The following AGO4 variants were observed in gnomAD, a reference collection of about 807,000 sequenced individuals.
The protein encoded by AGO4 is protein argonaute-4.
A neutral mutation model predicts 104.7 loss-of-function variants in AGO4; 33 were observed. The ratio of observed to expected loss-of-function variants is 0.32; its 90% CI spans 0.24 to 0.42. The LOEUF is 0.42. Among genes scored for constraint, AGO4 ranks in the 10% least tolerant of loss-of-function variants. AGO4 has a pLI of 1.00. For missense variants in AGO4, 711 were observed against 1,083.4 expected, an observed-to-expected ratio of 0.66 and a Z score of 4.83; for synonymous variants, 331 against 364.7, an observed-to-expected ratio of 0.91 and a Z score of 1.05.
At chr1:35,824,909 G>A (rs760307371) in intron 3 of AGO4, among the ~76,000 whole-genome samples, 7 of 152,114 alleles carry the variant, frequency 4.6e-5, no homozygotes, top group South Asian at 2.1e-4. Context: ...CATTCCAAAC[G>A]AAAACTCTGT....
intron 15 of AGO4, among the ~76,000 whole-genome samples, chr1:35,842,846 G>C (rs148265586): frequency 1.4e-4 from 22 of 152,150 alleles, no homozygotes; most frequent in African/African-American, 3.9e-4. Context: ...TAATCCCCAG[G>C]CATTTCAGGT....
In AGO4 at chr1:35,857,853, T is replaced by C. The variant is rs1644846726; in HGVS notation, c.*4248T>C. On this transcript the variant is annotated 3_prime_UTR_variant, in exon 18 of 18. Coordinates refer to ENST00000373210, the MANE Select transcript of AGO4 (RefSeq NM_017629.4). ...TGCTATTTGGTATACAATTATTATGTGTCAATTAAAACTAAAATAAAACTT... is the reference window on the plus strand; with the variant it reads ...TGCTATTTGGTATACAATTATTATGCGTCAATTAAAACTAAAATAAAACTT... 1 of 152,238 alleles carries C rather than the reference T, an allele frequency of 6.6e-6. No homozygotes were observed. Among genetic ancestry groups the C allele is most frequent in the African/African-American group, 2.4e-5 (1 of 41,462 alleles). The allele number at this position is 152,238 out of a possible 1,614,324, so 9.4% of individuals were successfully genotyped here.
chr1:35,816,987 T>C lies in AGO4; in HGVS notation c.125T>C (p.Ile42Thr), dbSNP rs1351882447. 6 of 1,613,960 alleles carry C rather than the reference T, an allele frequency of 3.7e-6. No homozygotes were observed. The highest frequency in any genetic ancestry group is 3.3e-5 in the Admixed American group (2 of 59,976). Reference protein sequence around the residue: ...ANHFQVQIPKIDVYHYDVDIK... With the variant: ...ANHFQVQIPKTDVYHYDVDIK... ...CATTTTCAGGTTCAGATTCCTAAAA[T>C]AGATGTGTATCACTATGATGTGGAT... is the stretch of plus-strand genomic sequence containing the variant. Residue 42 changes from isoleucine (I) to threonine (T), a missense_variant, in exon 2 of 18, where the codon ATA becomes ACA. Physicochemically the swap from Ile to Thr is moderately conservative, Grantham distance 89. Transcript: ENST00000373210.
In AGO4 at chr1:35,825,229, C is replaced by T. The variant is rs1571272674; in HGVS notation, c.307-84C>T. The T allele has an allele frequency of 2.2e-6, 3 of 1,367,576 alleles. No individual in the cohort carries two copies. In the South Asian group the frequency reaches 4.1e-5, roughly 19 times the overall value. The allele number at this position is 1,367,576 out of a possible 1,614,324, so 84.7% of individuals were successfully genotyped here. On this transcript the variant is annotated intron_variant, in intron 3 of 17. Transcript: ENST00000373210. ...AAAAGTTAAAAGAAATATCCTTATG[C>T]ATGTATCATACTGCATATTCTTGGG...
rs1463987775 is a variant in AGO4 at position 35,826,954 on chromosome 1, C to G, written c.848+119C>G. On this transcript the variant is annotated intron_variant, in intron 7 of 17. Transcript: ENST00000373210. ...CAGTGGCTCACACCTGTAATCCCAG[C>G]ACTTTGAGAGGCCGAGGTAGGTGGA... 3 of 1,034,242 alleles carry G rather than the reference C, an allele frequency of 2.9e-6. No homozygotes were observed. In the African/African-American group the frequency reaches 4.9e-5, roughly 17 times the overall value. The allele number at this position is 1,034,242 out of a possible 1,614,324, so 64.1% of individuals were successfully genotyped here. A position where few individuals can be genotyped will look rare whatever the true frequency, so the allele number is the denominator to read the frequency against.
chr1:35,848,158 A>G (rs892723057), intron 15 of AGO4, among the ~76,000 whole-genome samples: 7 of 152,338 alleles, frequency 4.6e-5, no homozygotes, highest in Middle Eastern at 6.8e-3. Flanking sequence ...TTTCCAGCAC[A>G]TCATATAAAT....
chr1:35,808,124 T>G lies in AGO4; in HGVS notation c.-293T>G, dbSNP rs1450942120. On this transcript the variant is annotated 5_prime_UTR_variant, in exon 1 of 18. Coordinates refer to ENST00000373210, the MANE Select transcript of AGO4 (RefSeq NM_017629.4). This position sits in a 1 kb window ranked among gnomAD's most constrained non-coding sequence, Gnocchi z 5.2. ...CTGGGTCCGCGCACCCCGCGCCCCCTTCCCTCCCGGCGGGCGCGCGCGCTG... is the reference window on the plus strand; with the variant it reads ...CTGGGTCCGCGCACCCCGCGCCCCCGTCCCTCCCGGCGGGCGCGCGCGCTG... 2 of 152,018 alleles carry G rather than the reference T, an allele frequency of 1.3e-5. No individual in the cohort carries two copies. Among genetic ancestry groups the G allele is most frequent in the East Asian group, 1.9e-4 (1 of 5,282 alleles). The allele number at this position is 152,018 out of a possible 1,614,324, so 9.4% of individuals were successfully genotyped here.
chr1:35,817,523 A>G (rs181654818), intron 2 of AGO4, among the ~76,000 whole-genome samples: 6 of 152,286 alleles, frequency 3.9e-5, no homozygotes, highest in Admixed American at 1.3e-4. Context: ...GAGAAGCTCT[A>G]GTTATTTCTA....
At chr1:35,850,718 T>A (rs998026322) in intron 16 of AGO4, 136 bp from the exon 17 acceptor site, 1 of 726,218 alleles carries the variant, frequency 1.4e-6, no homozygotes, top group Non-Finnish European at 2.2e-6. Context: ...GAGGCGGGGG[T>A]TTCTGTGAAC....
chr1:35,856,910 TTGAATCC>T lies in AGO4; in HGVS notation c.*3311_*3317del, dbSNP rs1644830580. 1 of 152,000 alleles carries T rather than the reference TTGAATCC, an allele frequency of 6.6e-6. No individual in the cohort carries two copies. The highest frequency in any genetic ancestry group is 2.4e-5 in the African/African-American group (1 of 41,330). 9.4% of individuals were successfully genotyped at this position (152,000 alleles called of 1,614,324 possible). A position where few individuals can be genotyped will look rare whatever the true frequency, so the allele number is the denominator to read the frequency against. Reference sequence around the variant, plus strand: ...GTTTTGGTGGTGGTGTTCTTAGCTGTTGAATCCTGAATGGTTTATAAAGTGAACTAGC... The same window carrying T: ...GTTTTGGTGGTGGTGTTCTTAGCTGTTGAATGGTTTATAAAGTGAACTAGC... On this transcript the variant is annotated 3_prime_UTR_variant, in exon 18 of 18. Transcript: ENST00000373210.
intron 7 of AGO4, among the ~76,000 whole-genome samples, chr1:35,827,790 C>CTTTTTTTTTTTT (rs142432459): frequency 8.7e-5 from 9 of 103,850 alleles, no homozygotes; most frequent in African/African-American, 2.5e-4. Flanking sequence ...TGTTGTTATT[C>CTTTTTTTTTTTT]TTTTTTTTTT....
At chr1:35,846,656 C>T (rs191018233) in intron 15 of AGO4, among the ~76,000 whole-genome samples, 3 of 150,716 alleles carry the variant, frequency 2.0e-5, no homozygotes, top group African/African-American at 7.3e-5. Flanking sequence ...AAGTTTGTTC[C>T]CCAGTTTGGT....
At chr1:35,822,630 T>C (rs574873505) in intron 2 of AGO4, among the ~76,000 whole-genome samples, 5 of 152,334 alleles carry the variant, frequency 3.3e-5, no homozygotes, top group African/African-American at 1.2e-4. Context: ...CCATAAATGT[T>C]ATTCTCTCTT....
intron 1 of AGO4, among the ~76,000 whole-genome samples, chr1:35,809,310 G>T (rs546170271): frequency 6.6e-6 from 1 of 152,310 alleles, no homozygotes; most frequent in Non-Finnish European, 1.5e-5. Context: ...AGCCCAACAG[G>T]TTTCTAATGC....
chr1:35,849,039 A>T (rs1205702544), intron 15 of AGO4, among the ~76,000 whole-genome samples: 1 of 152,246 alleles, frequency 6.6e-6, no homozygotes, highest in Admixed American at 6.5e-5. Flanking sequence ...TTGTGCCTGT[A>T]TGCTAAAGAA....
intron 13 of AGO4, among the ~76,000 whole-genome samples, chr1:35,840,368 G>A (rs1027934697): frequency 1.3e-5 from 2 of 152,078 alleles, no homozygotes; most frequent in Non-Finnish European, 2.9e-5. Context: ...CACCATGTTG[G>A]CCAGTCTGGT....
intron 6 of AGO4, 152 bp downstream of exon 6, chr1:35,826,212 T>TA (rs1290942203): frequency 6.7e-6 from 6 of 891,290 alleles, no homozygotes; most frequent in Non-Finnish European, 1.0e-5. Flanking sequence ...CTGTGAACCT[T>TA]AGTGTATTCA....
intron 15 of AGO4, among the ~76,000 whole-genome samples, chr1:35,842,046 A>T (rs1270893233): frequency 1.3e-5 from 2 of 152,034 alleles, no homozygotes; most frequent in Admixed American, 1.3e-4. Context: ...GTGATGATAT[A>T]GGCAACCTTC....
intron 15 of AGO4, among the ~76,000 whole-genome samples, chr1:35,846,447 A>G (rs931485129): frequency 2.0e-5 from 3 of 151,816 alleles, no homozygotes; most frequent in Non-Finnish European, 4.4e-5. Flanking sequence ...AATACAAAAA[A>G]TTAGCCGGAT....
Sources: allele counts gnomAD v4.1 joint callset (sites outside exome capture counted in the v4.1 genomes callset), GRCh38; gene constraint gnomAD v4.1.1; non-coding constraint Gnocchi (gnomAD v3.1); transcripts MANE v1.5; gene names NCBI Gene and HGNC (gene_info 2026-07-23, HGNC 2026-07-21).